MAP2K2: variants seen among roughly 807,000 people sequenced by gnomAD.
MAP2K2 encodes mitogen-activated protein kinase kinase 2.
A neutral mutation model predicts 43.7 loss-of-function variants in MAP2K2; 24 were observed. The observed-to-expected ratio is 0.55, with a 90% CI of 0.40 to 0.77. The LOEUF is 0.77. MAP2K2 is among the 30% of genes least tolerant of loss of function. The pLI is 0.00. For synonymous variants in MAP2K2, 244 were observed against 239.7 expected, an observed-to-expected ratio of 1.02 and a Z score of -0.17; for missense variants, 470 against 566.8, an observed-to-expected ratio of 0.83 and a Z score of 1.73.
rs572577745 is a variant in MAP2K2 at position 4,099,449 on chromosome 19, G to C, written c.706-35C>G. On this transcript the variant is annotated intron_variant, in intron 6 of 10. Transcript: ENST00000262948. The stretch of plus-strand genomic sequence containing the variant: ...AGCCAGGGAGGAAAGAGCCCAGAGG[G>C]GCGAGGATGGCAGCTGGAACCCGGG... 55 of 1,539,460 alleles carry C rather than the reference G, an allele frequency of 3.6e-5. 1 individual carries two copies. In the Admixed American group the frequency reaches 7.6e-4, roughly 21 times the overall value.
In MAP2K2 at chr19:4,108,839, GAGGAAGAC is replaced by G. The variant is rs1318592329; in HGVS notation, c.450+1662_450+1669del. Among the ~76,000 whole-genome samples the G allele has an allele frequency of 4.8e-3, 732 of 152,212 alleles. 3 individuals carry two copies. Among genetic ancestry groups the G allele is most frequent in the African/African-American group, 0.017 (705 of 41,524 alleles). On this transcript the variant is annotated intron_variant, in intron 3 of 10. Coordinates refer to ENST00000262948, the MANE Select transcript of MAP2K2 (RefSeq NM_030662.4). The stretch of plus-strand genomic sequence containing the variant: ...CGGGCGCGAGGAGGAGGGGGAAGAC[GAGGAAGAC>G]GAGGAGGAGGAATAGGGAGCACCAC...
Position 4,102,469 on chromosome 19 carries a change from G to C in MAP2K2, c.451-16C>G, listed in dbSNP as rs2145057966. ...AGCCGCCGTCCTAGAGGGCACACAA[G>C]GAGTGAGTGCAGGCTCTGCGCAGGT... is the stretch of plus-strand genomic sequence containing the variant. On this transcript the variant is annotated splice_polypyrimidine_tract_variant and intron_variant, in intron 3 of 10. Transcript: ENST00000262948. The C allele has an allele frequency of 6.4e-7, 1 of 1,570,094 alleles. No homozygotes were observed. Among genetic ancestry groups the C allele is most frequent in the South Asian group, 1.1e-5 (1 of 87,422 alleles).
chr19:4,112,908 G>A (rs2041173207), intron 2 of MAP2K2, among the ~76,000 whole-genome samples: 1 of 152,198 alleles, frequency 6.6e-6, no homozygotes, highest in South Asian at 2.1e-4. Flanking sequence ...GTGGAGGTTG[G>A]GAGATTTACT....
At chr19:4,103,688 G>GCCGCTC in intron 3 of MAP2K2, among the ~76,000 whole-genome samples, 1 of 152,250 alleles carries the variant, frequency 6.6e-6, no homozygotes, top group East Asian at 1.9e-4. Flanking sequence ...TGCCCGGGTT[G>GCCGCTC]CCGCTCTCTG....
chr19:4,117,620 C>G lies in MAP2K2; in HGVS notation c.102G>C (p.Leu34=), dbSNP rs549772449. The G allele has an allele frequency of 3.7e-6, 6 of 1,614,006 alleles. No homozygotes were observed. The East Asian group carries it at 8.9e-5, about 24-fold the overall frequency. ...PTSEGASEAN[L]VDLQKKLEEL... is the part of the protein sequence containing the mutation. ...CCTCCAGCTTCTTCTGCAGGTCCAC[C>G]AGGTTTGCCCTGCAGAGACCCCCCA... is the stretch of plus-strand genomic sequence containing the variant. Residue 34 remains leucine (L), a synonymous_variant, in exon 2 of 11, where the codon CTG becomes CTC. Transcript: ENST00000262948.
chr19:4,123,301 C>G (rs2041324268), intron 1 of MAP2K2, among the ~76,000 whole-genome samples: 1 of 151,010 alleles, frequency 6.6e-6, no homozygotes, highest in Non-Finnish European at 1.5e-5. Context: ...TTTTCAGAAG[C>G]CCCACACCCC....
intron 3 of MAP2K2, among the ~76,000 whole-genome samples, chr19:4,105,426 A>G (rs1212823975): frequency 2.6e-5 from 4 of 151,258 alleles, no homozygotes; most frequent in South Asian, 2.1e-4. Flanking sequence ...CCGCCACCAC[A>G]CTCGGCTAAT....
intron 3 of MAP2K2, chr19:4,103,247 C>T (rs973277533): frequency 5.2e-5 from 51 of 985,564 alleles, no homozygotes; most frequent in African/African-American, 1.9e-4. Flanking sequence ...GGCTGGTCCC[C>T]GGGTGTGGCC....
chr19:4,097,218 AAAAAAAAAAAGAAAG>A, intron 8 of MAP2K2, 46 bp downstream of exon 8: 1 of 1,204,254 alleles, frequency 8.3e-7, no homozygotes, highest in South Asian at 1.4e-5. Context: ...AAAAAAAAAA[AAAAAAAAAAAGAAAG>A]AAGAAAGAAA....
intron 1 of MAP2K2, among the ~76,000 whole-genome samples, 193 bp downstream of exon 1, chr19:4,123,588 CCCG>C (rs1386562949): frequency 7.2e-6 from 1 of 139,442 alleles, no homozygotes; most frequent in African/African-American, 2.8e-5. Context: ...GGCCCCCTGC[CCCG>C]TCCTCCCCCG....
chr19:4,123,071 C>T (rs773090089), intron 1 of MAP2K2, among the ~76,000 whole-genome samples: 2 of 150,666 alleles, frequency 1.3e-5, no homozygotes, highest in Non-Finnish European at 3.0e-5. Context: ...GGTCTCCCCT[C>T]ACCCTCATCT....
intron 1 of MAP2K2, among the ~76,000 whole-genome samples, chr19:4,119,418 C>T (rs2041266308): frequency 6.6e-6 from 1 of 152,080 alleles, no homozygotes. Context: ...GACAAGGTTT[C>T]GCCATGTTGG....
In MAP2K2 at chr19:4,110,501, G is replaced by A. The variant is rs750032817; in HGVS notation, c.450+8C>T. On this transcript the variant is annotated splice_region_variant and intron_variant, in intron 3 of 10. Coordinates refer to ENST00000262948, the MANE Select transcript of MAP2K2 (RefSeq NM_030662.4). ...CCCTGCCCCTGCCCCTGCCCCGGAC[G>A]CACTCACCATGTGTTCCATGCAAAT... 14 of 1,612,658 alleles carry A rather than the reference G, an allele frequency of 8.7e-6. No individual in the cohort carries two copies. Among genetic ancestry groups the A allele is most frequent in the South Asian group, 2.2e-5 (2 of 91,074 alleles).
At chr19:4,112,749 G>A (rs10412325) in intron 2 of MAP2K2, among the ~76,000 whole-genome samples, 27,182 of 152,022 alleles carry the variant, frequency 0.18, 2,773 homozygotes, top group East Asian at 0.29. Context: ...GTGGCCCCTG[G>A]GCTACTCCAC....
In MAP2K2 at chr19:4,102,588, G is replaced by A. The variant is rs149449675; in HGVS notation, c.451-135C>T. On this transcript the variant is annotated intron_variant, in intron 3 of 10. Coordinates refer to ENST00000262948, the MANE Select transcript of MAP2K2 (RefSeq NM_030662.4). ...GGGGCCGGAGCCCAACTCCACCCACGGGCCAAGGGCAGGGCGTCTTCTGAC... is the reference window on the plus strand; with the variant it reads ...GGGGCCGGAGCCCAACTCCACCCACAGGCCAAGGGCAGGGCGTCTTCTGAC... 4,784 of 904,770 alleles carry A rather than the reference G, an allele frequency of 5.3e-3. 20 individuals are homozygous for A. Among genetic ancestry groups the A allele is most frequent in the Non-Finnish European group, 7.2e-3 (4,091 of 571,820 alleles). The allele number at this position is 904,770 out of a possible 1,614,324, so 56.0% of individuals were successfully genotyped here. A position where few individuals can be genotyped will look rare whatever the true frequency, so the allele number is the denominator to read the frequency against.
intron 8 of MAP2K2, among the ~76,000 whole-genome samples, chr19:4,096,388 G>A (rs974979890): frequency 6.6e-6 from 1 of 152,208 alleles, no homozygotes; most frequent in African/African-American, 2.4e-5. Flanking sequence ...AGCTCCAAAG[G>A]GCCACCAAAG....
chr19:4,099,376 C>A lies in MAP2K2; in HGVS notation c.744G>T (p.Ser248=). 6.2e-7 allele frequency: 1 copy of A among 1,611,402 alleles called. No individual in the cohort carries two copies. Among genetic ancestry groups the A allele is most frequent in the East Asian group, 2.2e-5 (1 of 44,788 alleles). ...GGGACAGGCCCATGCTCCAGATGTC[C>A]GACTGCACCGAGTAATGTGTGCCCT... ...RLQGTHYSVQ[S]DIWSMGLSLV... Residue 248 remains serine, a synonymous_variant, in exon 7 of 11, where the codon TCG becomes TCT. Transcript: ENST00000262948.
At position 4,123,723 on chromosome 19, in the gene MAP2K2, C is replaced by T. The variant is rs2041333835; in HGVS notation, c.92+61G>A. ...CGAACCCCCGTCCCCTCGCCCCGTC[C>T]TTCCCCGAGGGCTCCCTGCCCCGTG... On this transcript the variant is annotated intron_variant, in intron 1 of 10. Coordinates refer to ENST00000262948, the MANE Select transcript of MAP2K2 (RefSeq NM_030662.4). 3 of 1,364,018 alleles carry T rather than the reference C, an allele frequency of 2.2e-6. No individual in the cohort carries two copies. In the African/African-American group the frequency reaches 4.5e-5, roughly 21 times the overall value. The allele number at this position is 1,364,018 out of a possible 1,614,324, so 84.5% of individuals were successfully genotyped here. A position where few individuals can be genotyped will look rare whatever the true frequency, so the allele number is the denominator to read the frequency against.
intron 3 of MAP2K2, 102 bp from the exon 4 acceptor site, chr19:4,102,555 G>T (rs550164660): frequency 1.0e-6 from 1 of 1,003,898 alleles, no homozygotes; most frequent in Admixed American, 2.0e-5. Flanking sequence ...GCCTCCTGAC[G>T]GGAAGCAGGG....
Sources: gnomAD v4.1 joint callset for allele counts (sites outside exome capture counted in the v4.1 genomes callset) on GRCh38, gnomAD v4.1.1 for gene constraint, MANE v1.5 for transcripts, NCBI Gene and HGNC (gene_info 2026-07-23, HGNC 2026-07-21) for gene names.